Variants in AUTS2 observed in about 807,000 individuals in gnomAD.
AUTS2 encodes the protein autism susceptibility gene 2 protein.
AUTS2 carries 17 observed loss-of-function variants against 112.4 expected under a neutral mutation model. That is an observed-to-expected ratio of 0.15 (90% CI 0.10 to 0.23). The LOEUF (loss-of-function observed/expected upper bound fraction) is 0.23. Among genes scored for constraint, AUTS2 ranks in the 10% least tolerant of loss-of-function variants. AUTS2 has a pLI of 1.00. For missense variants in AUTS2, 1,510 were observed against 1,701.6 expected, an observed-to-expected ratio of 0.89 and a Z score of 1.98; for synonymous variants, 751 against 702.7, an observed-to-expected ratio of 1.07 and a Z score of -1.09.
intron 15 of AUTS2, chr7:70,782,865 G>T (rs902226431): frequency 5.3e-5 from 8 of 152,066 alleles, no homozygotes; most frequent in African/African-American, 1.9e-4. Flanking sequence ...CATTATAATG[G>T]GCCTTAGCTA....
At chr7:69,650,288 C>G (rs1795232940) in intron 1 of AUTS2, among the ~76,000 whole-genome samples, 1 of 152,132 alleles carries the variant, frequency 6.6e-6, no homozygotes, top group African/African-American at 2.4e-5. Context: ...CTTCTTTGTA[C>G]TCTTTCTATC....
intron 5 of AUTS2, among the ~76,000 whole-genome samples, chr7:70,614,587 C>T (rs1804256659): frequency 6.6e-6 from 1 of 152,170 alleles, no homozygotes; most frequent in Non-Finnish European, 1.5e-5. Flanking sequence ...TCCTTGTCAG[C>T]CTCAGAGCCA....
At position 70,749,069 on chromosome 7, in the gene AUTS2, G is replaced by A. The variant is rs368535427; in HGVS notation, c.743-13801G>A. On this transcript the variant is annotated intron_variant, in intron 6 of 18. Transcript: ENST00000342771. Reference sequence around the variant, plus strand: ...CAGGAGCTCCCTGTTGCTGGCTTTCGTGAATATGTTGTTTTTGGGGGTAGC... The same window carrying A: ...CAGGAGCTCCCTGTTGCTGGCTTTCATGAATATGTTGTTTTTGGGGGTAGC... Among the ~76,000 whole-genome samples, 59 of 152,222 alleles carry A rather than the reference G, an allele frequency of 3.9e-4. 1 individual carries two copies. The South Asian group carries it at 8.1e-3, about 21-fold the overall frequency.
intron 1 of AUTS2, among the ~76,000 whole-genome samples, chr7:69,817,722 C>A (rs1040398646): frequency 6.6e-6 from 1 of 152,090 alleles, no homozygotes; most frequent in African/African-American, 2.4e-5. Context: ...ATATTTAAAC[C>A]ATGGCCTGCC....
intron 4 of AUTS2, among the ~76,000 whole-genome samples, chr7:70,303,473 C>CACACACACAG: frequency 6.6e-6 from 1 of 151,378 alleles, no homozygotes; most frequent in Non-Finnish European, 1.5e-5. Context: ...CACACACACA[C>CACACACACAG]AGTGCTGCTG....
intron 2 of AUTS2, among the ~76,000 whole-genome samples, chr7:70,037,458 C>T (rs922092496): frequency 1.2e-4 from 19 of 152,002 alleles, no homozygotes; most frequent in Non-Finnish European, 2.1e-4. Context: ...CCTATAGTAA[C>T]CTTTTACTAT....
chr7:69,850,782 T>G (rs1261942984), intron 1 of AUTS2, among the ~76,000 whole-genome samples: 2 of 152,264 alleles, frequency 1.3e-5, no homozygotes, highest in Admixed American at 1.3e-4. Flanking sequence ...GCAAATATTT[T>G]CTCAGTCTGG....
chr7:69,643,930 G>A (rs1394433537), intron 1 of AUTS2, among the ~76,000 whole-genome samples: 1 of 152,142 alleles, frequency 6.6e-6, no homozygotes, highest in Non-Finnish European at 1.5e-5. Context: ...GCAACAGAGT[G>A]AGACCCTGTC....
chr7:70,728,988 C>T (rs942518658), intron 6 of AUTS2, among the ~76,000 whole-genome samples: 4 of 152,088 alleles, frequency 2.6e-5, no homozygotes, highest in African/African-American at 9.7e-5. Context: ...CCCAAGGGGC[C>T]ACATGAAAGG....
intron 2 of AUTS2, among the ~76,000 whole-genome samples, chr7:70,083,975 C>A (rs1207683014): frequency 2.6e-5 from 4 of 151,926 alleles, no homozygotes; most frequent in Admixed American, 1.3e-4. Flanking sequence ...ATATCCATCA[C>A]CCCCAAAAGT....
At chr7:70,435,675 G>C (rs929739304) in intron 4 of AUTS2, 77 bp from the exon 5 acceptor site, 1 of 1,436,008 alleles carries the variant, frequency 7.0e-7, no homozygotes, top group Non-Finnish European at 9.8e-7. Context: ...TTGTATGGGG[G>C]TTGGGGGAGG....
rs117692036 is a variant in AUTS2, at chr7:70,727,818, C to A, written c.742+29198C>A. On this transcript the variant is annotated intron_variant, in intron 6 of 18. Transcript: ENST00000342771. ...TAAAATCCTACTCCTGGGCAGAAGT[C>A]TTCTGTGTTAGTGACAATGTGGAAA... Among the ~76,000 whole-genome samples the A allele has an allele frequency of 4.7e-4, 72 of 152,296 alleles. 2 individuals are homozygous for A. The East Asian group carries it at 0.012, about 26-fold the overall frequency.
At chr7:70,371,861 A>G (rs1264311560) in intron 4 of AUTS2, among the ~76,000 whole-genome samples, 1 of 152,128 alleles carries the variant, frequency 6.6e-6, no homozygotes, top group Admixed American at 6.5e-5. Context: ...AATTGACCTG[A>G]TGTGTACAGA....
intron 1 of AUTS2, among the ~76,000 whole-genome samples, chr7:69,633,521 A>G (rs888172437): frequency 5.9e-5 from 9 of 152,214 alleles, no homozygotes; most frequent in Non-Finnish European, 1.0e-4. Flanking sequence ...AGAAACCTCC[A>G]TACTATTTTT....
In AUTS2 at chr7:69,786,656, G is replaced by T. The variant is rs577649664; in HGVS notation, c.310-112630G>T. Reference sequence around the variant, plus strand: ...TCATTCTTGAAGTCAGCGAGATCAAGAACCCACCAGAAGGAACTAACTCTG... The same window carrying T: ...TCATTCTTGAAGTCAGCGAGATCAATAACCCACCAGAAGGAACTAACTCTG... On this transcript the variant is annotated intron_variant, in intron 1 of 18. Coordinates refer to ENST00000342771, the MANE Select transcript of AUTS2 (RefSeq NM_015570.4). 9.2e-5 allele frequency among the ~76,000 whole-genome samples: 14 copies of T among 152,252 alleles called. No homozygotes were observed. In the South Asian group the frequency reaches 2.9e-3, roughly 32 times the overall value.
At chr7:70,700,331 G>T (rs1809382844) in intron 6 of AUTS2, among the ~76,000 whole-genome samples, 2 of 152,156 alleles carry the variant, frequency 1.3e-5, no homozygotes, top group Non-Finnish European at 2.9e-5. Flanking sequence ...GTTTCTTTGT[G>T]TACACTAAAA....
intron 4 of AUTS2, among the ~76,000 whole-genome samples, chr7:70,222,132 C>T (rs2129592607): frequency 6.6e-6 from 1 of 152,238 alleles, no homozygotes; most frequent in African/African-American, 2.4e-5. Context: ...ATTACTTAGT[C>T]TATTATGCTC....
intron 5 of AUTS2, among the ~76,000 whole-genome samples, chr7:70,629,484 G>GA (rs902097983): frequency 3.0e-4 from 43 of 142,430 alleles, no homozygotes; most frequent in East Asian, 4.1e-4. Context: ...AAAAAGGGAA[G>GA]AAAAAAAAAA....
intron 4 of AUTS2, among the ~76,000 whole-genome samples, chr7:70,246,268 C>CT (rs1489538416): frequency 6.6e-6 from 1 of 152,066 alleles, no homozygotes; most frequent in Non-Finnish European, 1.5e-5. Context: ...CATCCCTACT[C>CT]TGAGGTCATA....
Sources: allele counts gnomAD v4.1 joint callset (sites outside exome capture counted in the v4.1 genomes callset), GRCh38; gene constraint gnomAD v4.1.1; transcripts MANE v1.5; gene names NCBI Gene and HGNC (gene_info 2026-07-23, HGNC 2026-07-21).